Variants in WDR74 observed in about 807,000 individuals in gnomAD.
WDR74 encodes the protein WD repeat-containing protein 74.
WDR74 carries 31 observed loss-of-function variants against 45.6 expected under a neutral mutation model. The ratio of observed to expected loss-of-function variants is 0.68; its 90% confidence interval spans 0.51 to 0.92. WDR74 has a LOEUF of 0.92. WDR74 is among the 40% of genes least tolerant of loss of function. The pLI, the probability that WDR74 is intolerant of heterozygous loss-of-function variation, is 0.00. For synonymous variants in WDR74, 191 were observed against 192.4 expected (o/e 0.99, Z 0.06); for missense variants, 455 against 497.2 (o/e 0.92, Z 0.81).
rs1284314422 is a variant in WDR74, at chr11:62,835,566, G to A, written c.517-34C>T. On this transcript the variant is annotated intron_variant, in intron 5 of 10. Transcript: ENST00000278856. ...GTGGGCAGATGGAGGACAGGGCTAT[G>A]GGGGGCTCGATGTGCCCCTGTTTTC... is the stretch of plus-strand genomic sequence containing the variant. 2.5e-6 allele frequency: 4 copies of A among 1,612,360 alleles called. No homozygotes were observed. The South Asian group carries it at 4.4e-5, about 18-fold the overall frequency.
Position 62,834,412 on chromosome 11 carries a change from C to T in WDR74, c.719+15G>A. ...CAAGCCCCACCCTCCCACCCCTTCCCCTCTAAACACTCACTTGCCTCCCGG... is the reference window on the plus strand; with the variant it reads ...CAAGCCCCACCCTCCCACCCCTTCCTCTCTAAACACTCACTTGCCTCCCGG... On this transcript the variant is annotated intron_variant, in intron 7 of 10. Coordinates refer to ENST00000278856, the MANE Select transcript of WDR74 (RefSeq NM_001369450.1). The T allele has an allele frequency of 6.2e-7, 1 of 1,606,452 alleles. No homozygotes were observed. Among genetic ancestry groups the T allele is most frequent in the Non-Finnish European group, 8.5e-7 (1 of 1,176,262 alleles).
upstream of WDR74, among the ~76,000 whole-genome samples, chr11:62,841,172 CTGG>C (rs1218770104): frequency 6.6e-6 from 1 of 152,156 alleles, no homozygotes; most frequent in African/African-American, 2.4e-5. Context: ...TAAAAATTCG[CTGG>C]GCGTGGTGGC....
chr11:62,839,820 C>T, upstream of WDR74: 2 of 560,858 alleles, frequency 3.6e-6, no homozygotes, highest in Non-Finnish European at 6.3e-6. Context: ...CCGGATCAAG[C>T]CAGCCCTAGT....
intron 10 of WDR74, among the ~76,000 whole-genome samples, 165 bp from the exon 11 acceptor site, chr11:62,833,296 TAAAAAAAAAAAA>T (rs1048706100): frequency 1.2e-4 from 6 of 50,862 alleles, no homozygotes; most frequent in African/African-American, 2.1e-4. Context: ...AAAAGAAGTT[TAAAAAAAAAAAA>T]AAAAAAAAAA....
rs1357017296 is a variant in WDR74, at chr11:62,839,519, C to T, written c.52G>A (p.Gly18Arg). The T allele has an allele frequency of 5.6e-6, 9 of 1,613,694 alleles. No individual in the cohort carries two copies. The highest frequency in any genetic ancestry group is 1.3e-5 in the African/African-American group (1 of 75,056). ...WNHVWVGTET[G>R]ILKGVNLQRK... is the part of the protein sequence containing the mutation. ...GCCTGCCACCCACCTTTCAAGATCC[C>T]AGTCTCGGTGCCGACCCACACATGG... Residue 18 changes from glycine to arginine, a missense_variant, in exon 1 of 11, where the codon GGG becomes AGG. By Grantham distance (125) the Gly-to-Arg change is moderately radical. Coordinates refer to ENST00000278856, the MANE Select transcript of WDR74 (RefSeq NM_001369450.1).
rs1445769656 is a variant in WDR74 at position 62,833,878 on chromosome 11, G to C, written c.835C>G (p.Pro279Ala). The C allele has an allele frequency of 1.2e-6, 2 of 1,613,824 alleles. No individual in the cohort carries two copies. The highest frequency in any genetic ancestry group is 1.3e-5 in the African/African-American group (1 of 74,890). Residue 279 changes from proline to alanine, a missense_variant, in exon 9 of 11, where the codon CCT becomes GCT. Pro to Ala is a conservative substitution (Grantham distance 27). Coordinates refer to ENST00000278856, the MANE Select transcript of WDR74 (RefSeq NM_001369450.1). ...CAGGAGGCTAGTAGAGGCTTTGAAG[G>C]GTGGCACTGCAACCCACGCACACTG... ...AGSVRGLQCH[P>A]SKPLLASCGL...
At position 62,834,257 on chromosome 11, in the gene WDR74, T is replaced by C. The variant is rs768934741; in HGVS notation, c.775+19A>G. On this transcript the variant is annotated intron_variant, in intron 8 of 10. Transcript: ENST00000278856. ...CTCCCTGCTCCTTCCTTTCCCCCAA[T>C]GTACCCTAGTCCACTCACCTTGCCG... 20 of 1,613,772 alleles carry C rather than the reference T, an allele frequency of 1.2e-5. No homozygotes were observed. The highest frequency in any genetic ancestry group is 2.2e-5 in the East Asian group (1 of 44,890).
intron 10 of WDR74, 144 bp from the exon 11 acceptor site, chr11:62,833,275 C>G: frequency 3.7e-6 from 2 of 537,892 alleles, no homozygotes; most frequent in Non-Finnish European, 6.1e-6. Context: ...TAAGGAGACC[C>G]CATCTCCACA....
chr11:62,839,267 A>G (rs1340627460), intron 2 of WDR74, 32 bp from the exon 3 acceptor site: 1 of 1,612,300 alleles, frequency 6.2e-7, no homozygotes, highest in Non-Finnish European at 8.5e-7. Context: ...TGGCGAGGAG[A>G]GCGAGGCTGC....
intron 3 of WDR74, 93 bp from the exon 4 acceptor site, chr11:62,836,129 T>A (rs748332176): frequency 8.4e-5 from 107 of 1,281,054 alleles, no homozygotes; most frequent in Middle Eastern, 2.1e-4. Context: ...TGACTAATGT[T>A]TAAAGAAAAA....
upstream of WDR74, chr11:62,841,449 C>T (rs879271113): frequency 3.9e-5 from 6 of 152,352 alleles, no homozygotes; most frequent in Admixed American, 2.6e-4. Flanking sequence ...ACGCTCCGTG[C>T]TCAGTTATAA....
chr11:62,836,224 G>C (rs1183218154), intron 3 of WDR74, 188 bp from the exon 4 acceptor site: 4 of 597,352 alleles, frequency 6.7e-6, no homozygotes, highest in East Asian at 3.0e-5. Flanking sequence ...GAAGCCTCTA[G>C]GTCACTGGGC....
upstream of WDR74, among the ~76,000 whole-genome samples, chr11:62,840,607 A>G (rs1276578384): frequency 1.3e-5 from 2 of 152,152 alleles, no homozygotes; most frequent in East Asian, 3.9e-4. Flanking sequence ...TCGCTACTTT[A>G]CCTAGAGATT....
chr11:62,837,024 C>A (rs948304423), intron 3 of WDR74, among the ~76,000 whole-genome samples: 1 of 152,046 alleles, frequency 6.6e-6, no homozygotes, highest in African/African-American at 2.4e-5. Flanking sequence ...TGCAGTGAGC[C>A]GAGATCATGC....
upstream of WDR74, among the ~76,000 whole-genome samples, chr11:62,841,303 C>A (rs913974933): frequency 6.6e-6 from 1 of 152,030 alleles, no homozygotes. Flanking sequence ...GGCGACAGAG[C>A]AAGACGACGT....
rs369785484 is a variant in WDR74 at position 62,834,497 on chromosome 11, G to A, written c.649C>T (p.Arg217Cys). The A allele has an allele frequency of 2.0e-4, 327 of 1,611,010 alleles. No homozygotes were observed. Among genetic ancestry groups the A allele is most frequent in the Non-Finnish European group, 2.6e-4 (301 of 1,179,578 alleles). Residue 217 changes from arginine to cysteine, a missense_variant, in exon 7 of 11, where the codon CGC becomes TGC. Transcript: ENST00000278856. The stretch of plus-strand genomic sequence containing the variant: ...TAGGTGGTCTCTAGGACTGGCCGGC[G>A]CTGGGGGGATGCTGGATCATAAACA... ...VRVYDPASPQ[R>C]RPVLETTYGE...
upstream of WDR74, chr11:62,841,691 C>G (rs1002078891): frequency 3.3e-5 from 5 of 152,178 alleles, no homozygotes; most frequent in Admixed American, 6.5e-5. Flanking sequence ...AGCTCCTATT[C>G]CATCTCCTAT....
upstream of WDR74, chr11:62,839,663 G>T: frequency 6.9e-7 from 1 of 1,442,722 alleles, no homozygotes. Context: ...GTAGTTGCTG[G>T]AAGTTTGAAG....
chr11:62,839,381 GTCC>G lies in WDR74; in HGVS notation c.109_111del (p.Gly37del), dbSNP rs2134898792. ...CTCACTGCCTCCTCGCGCCGCGGCTGTCCTCCGGCCGTGAAGTTCGCCGCCTGT... is the reference window on the plus strand; with the variant it reads ...CTCACTGCCTCCTCGCGCCGCGGCTGTCCGGCCGTGAAGTTCGCCGCCTGT... On this transcript the variant is annotated inframe_deletion, in exon 2 of 11. Coordinates refer to ENST00000278856, the MANE Select transcript of WDR74 (RefSeq NM_001369450.1). 1 of 1,612,706 alleles carries G rather than the reference GTCC, an allele frequency of 6.2e-7. No individual in the cohort carries two copies. Among genetic ancestry groups the G allele is most frequent in the East Asian group, 2.2e-5 (1 of 44,874 alleles).
Sources: gnomAD v4.1 joint callset for allele counts (sites outside exome capture counted in the v4.1 genomes callset) on GRCh38, gnomAD v4.1.1 for gene constraint, MANE v1.5 for transcripts, NCBI Gene and HGNC (gene_info 2026-07-23, HGNC 2026-07-21) for gene names.